Variants in NKD1 observed in about 807,000 individuals in gnomAD.
NKD1 encodes protein naked cuticle homolog 1.
Under a neutral mutation model 56.0 loss-of-function variants are expected in NKD1, and 21 were observed. That is an observed-to-expected ratio of 0.38 (90% CI 0.27 to 0.54). The LOEUF (loss-of-function observed/expected upper bound fraction) is 0.54, where lower values mean the gene tolerates loss of function less well. Ranked by LOEUF, NKD1 falls within the 20% of genes least tolerant of loss-of-function variation. The pLI, the probability that NKD1 is intolerant of heterozygous loss-of-function variation, is 0.82. For synonymous variants in NKD1, 263 were observed against 265.7 expected, an observed-to-expected ratio of 0.99 and a Z score of 0.10; for missense variants, 578 against 642.7, an observed-to-expected ratio of 0.90 and a Z score of 1.09.
At chr16:50,573,222 A>G (rs1252674086) in intron 3 of NKD1, among the ~76,000 whole-genome samples, 1 of 152,180 alleles carries the variant, frequency 6.6e-6, no homozygotes, top group East Asian at 1.9e-4. Flanking sequence ...CTTTGCTGGA[A>G]CCCGTACCTC....
At chr16:50,564,627 A>G (rs2151264902) in intron 3 of NKD1, among the ~76,000 whole-genome samples, 1 of 152,266 alleles carries the variant, frequency 6.6e-6, no homozygotes, top group African/African-American at 2.4e-5. Flanking sequence ...AACATTTTCC[A>G]GGTGGATGAG....
intron 6 of NKD1, among the ~76,000 whole-genome samples, chr16:50,629,151 G>A (rs1392798401): frequency 6.6e-6 from 1 of 151,636 alleles, no homozygotes; most frequent in Non-Finnish European, 1.5e-5. Flanking sequence ...TTTTATTTTT[G>A]TAGAGAATGT....
chr16:50,616,839 G>A lies in NKD1; in HGVS notation c.260-4763G>A, dbSNP rs190696610. ...ACACCTTTCTGCCATCTGTCCAAAG[G>A]ATGTCATAAGCAATACACATATCTA... On this transcript the variant is annotated intron_variant, in intron 4 of 9. Coordinates refer to ENST00000268459, the MANE Select transcript of NKD1 (RefSeq NM_033119.5). 1.9e-3 allele frequency among the ~76,000 whole-genome samples: 293 copies of A among 152,264 alleles called. 1 individual carries two copies. Among genetic ancestry groups the A allele is most frequent in the Middle Eastern group, 3.4e-3 (1 of 294 alleles).
chr16:50,560,464 G>A (rs1036509422), intron 3 of NKD1, among the ~76,000 whole-genome samples: 1 of 152,174 alleles, frequency 6.6e-6, no homozygotes. Context: ...TTATGAGGCC[G>A]CTGTTATTAT....
chr16:50,586,126 C>T (rs529658555), intron 3 of NKD1, among the ~76,000 whole-genome samples: 1 of 152,282 alleles, frequency 6.6e-6, no homozygotes, highest in East Asian at 1.9e-4. Context: ...GACCCTCAGC[C>T]CTGCTGCCTC....
chr16:50,579,319 C>G (rs1961060765), intron 3 of NKD1, among the ~76,000 whole-genome samples: 1 of 148,340 alleles, frequency 6.7e-6, no homozygotes. Context: ...ACCCGCTACA[C>G]ACGCACTCTA....
At chr16:50,549,773 A>G (rs1960336222) in intron 3 of NKD1, among the ~76,000 whole-genome samples, 1 of 152,124 alleles carries the variant, frequency 6.6e-6, no homozygotes, top group Admixed American at 6.5e-5. Flanking sequence ...GCCTGGGGGA[A>G]AGGTCCTAGG....
intron 3 of NKD1, among the ~76,000 whole-genome samples, chr16:50,579,618 C>T (rs530639502): frequency 2.3e-5 from 3 of 131,814 alleles, no homozygotes; most frequent in Admixed American, 1.5e-4. Flanking sequence ...CACTCTAACC[C>T]GCCACGCATG....
In NKD1 at chr16:50,642,589, T is replaced by C. The variant is rs577964591; in HGVS notation, c.*8808T>C. ...CTAACATGGGGCTAATTGGGGTAAC[T>C]ACCTTACTGAGCTGTTATGAGTAAA... On this transcript the variant is annotated 3_prime_UTR_variant, in exon 10 of 10. Transcript: ENST00000268459. 1 of 152,404 alleles carries C rather than the reference T, an allele frequency of 6.6e-6. No homozygotes were observed. Among genetic ancestry groups the C allele is most frequent in the South Asian group, 2.1e-4 (1 of 4,832 alleles). The allele number at this position is 152,404 out of a possible 1,614,324, so 9.4% of individuals were successfully genotyped here. A position where few individuals can be genotyped will look rare whatever the true frequency, so the allele number is the denominator to read the frequency against.
chr16:50,549,058 T>G, intron 2 of NKD1: 1 of 154,698 alleles, frequency 6.5e-6, no homozygotes, highest in Non-Finnish European at 9.9e-6. Flanking sequence ...CTGCCCCCTC[T>G]TCCTGCCCCC....
intron 3 of NKD1, among the ~76,000 whole-genome samples, chr16:50,596,465 C>T (rs1057395983): frequency 6.6e-6 from 1 of 152,040 alleles, no homozygotes; most frequent in African/African-American, 2.4e-5. Flanking sequence ...GACCTGGAAT[C>T]CAGCACCGGG....
intron 3 of NKD1, chr16:50,574,704 C>A: frequency 1.0e-6 from 1 of 985,424 alleles, no homozygotes; most frequent in South Asian, 4.7e-5. Context: ...AGGCAGAGGC[C>A]CTCTGAGGGA....
At chr16:50,584,201 T>C (rs1961178994) in intron 3 of NKD1, among the ~76,000 whole-genome samples, 1 of 152,152 alleles carries the variant, frequency 6.6e-6, no homozygotes, top group African/African-American at 2.4e-5. Context: ...CCTCTCCTTG[T>C]TGTGTATGTC....
intron 3 of NKD1, among the ~76,000 whole-genome samples, chr16:50,589,575 C>T (rs533999679): frequency 3.3e-5 from 5 of 152,168 alleles, no homozygotes; most frequent in South Asian, 2.1e-4. Flanking sequence ...TTAGTGGAGC[C>T]GCCCCGAGGG....
At position 50,576,491 on chromosome 16, in the gene NKD1, T is replaced by A. The variant is rs1490698936; in HGVS notation, c.192+26936T>A. On this transcript the variant is annotated intron_variant, in intron 3 of 9. Coordinates refer to ENST00000268459, the MANE Select transcript of NKD1 (RefSeq NM_033119.5). The stretch of plus-strand genomic sequence containing the variant: ...CAGAAGTGGAAGCAGTGCCTTTTGT[T>A]ATGTTTCTGATTATCCTTGGTGGAG... Among the ~76,000 whole-genome samples, 4 of 152,160 alleles carry A rather than the reference T, an allele frequency of 2.6e-5. No homozygotes were observed. The East Asian group carries it at 5.8e-4, about 22-fold the overall frequency.
chr16:50,613,964 A>T (rs1961907108), intron 4 of NKD1, among the ~76,000 whole-genome samples: 1 of 152,084 alleles, frequency 6.6e-6, no homozygotes, highest in Non-Finnish European at 1.5e-5. Context: ...TTCCTCCCCT[A>T]CCCGCTTTTC....
At position 50,639,075 on chromosome 16, in the gene NKD1, G is replaced by A. The variant is rs888900541; in HGVS notation, c.*5294G>A. On this transcript the variant is annotated 3_prime_UTR_variant, in exon 10 of 10. Transcript: ENST00000268459. ...TCCCCTGAATGCTTGGGATCACCTG[G>A]GGAGAGTTCACAAAATACTGGTGCA... The A allele has an allele frequency of 6.6e-6, 1 of 152,166 alleles. No individual in the cohort carries two copies. The highest frequency in any genetic ancestry group is 1.5e-5 in the Non-Finnish European group (1 of 68,054). 9.4% of individuals were successfully genotyped at this position (152,166 alleles called of 1,614,324 possible).
intron 2 of NKD1, 69 bp downstream of exon 2, chr16:50,548,818 C>A: frequency 7.5e-7 from 1 of 1,329,932 alleles, no homozygotes; most frequent in Non-Finnish European, 9.6e-7. Flanking sequence ...CAGAACGGCC[C>A]AGCCCGCCAG....
intron 3 of NKD1, among the ~76,000 whole-genome samples, chr16:50,602,703 G>A (rs996327154): frequency 2.0e-5 from 3 of 152,194 alleles, no homozygotes; most frequent in Non-Finnish European, 4.4e-5. Context: ...TGGGTTTGGT[G>A]CTCTCCTCTG....
Sources: allele counts gnomAD v4.1 joint callset (sites outside exome capture counted in the v4.1 genomes callset), GRCh38; gene constraint gnomAD v4.1.1; transcripts MANE v1.5; gene names NCBI Gene and HGNC (gene_info 2026-07-23, HGNC 2026-07-21).